Variants in PITPNC1 observed in about 807,000 individuals in gnomAD.
PITPNC1 encodes the protein phosphatidylinositol transfer protein cytoplasmic 1.
In PITPNC1, 18 loss-of-function variants were observed where a neutral mutation model predicts 44.7. That is an observed-to-expected ratio of 0.40 (90% CI 0.28 to 0.60). The LOEUF is 0.60. Among genes scored for constraint, PITPNC1 ranks in the 20% least tolerant of loss-of-function variants. The pLI is 0.39. For synonymous variants in PITPNC1, 141 were observed against 149.6 expected, an observed-to-expected ratio of 0.94 and a Z score of 0.42; for missense variants, 290 against 418.4, an observed-to-expected ratio of 0.69 and a Z score of 2.68.
At chr17:67,654,312 C>T (rs1026354830) in intron 6 of PITPNC1, among the ~76,000 whole-genome samples, 2 of 152,204 alleles carry the variant, frequency 1.3e-5, no homozygotes, top group African/African-American at 4.8e-5. Flanking sequence ...CCCAGGCTTT[C>T]ACTCACACAA....
chr17:67,604,883 C>T (rs764786806), intron 5 of PITPNC1, among the ~76,000 whole-genome samples: 4 of 152,058 alleles, frequency 2.6e-5, no homozygotes, highest in Non-Finnish European at 4.4e-5. Context: ...AGTTTGAGAC[C>T]AGCCTGGCCA....
chr17:67,469,392 C>T lies in PITPNC1; in HGVS notation c.49-63410C>T, dbSNP rs146197749. Among the ~76,000 whole-genome samples, 604 of 152,234 alleles carry T rather than the reference C, an allele frequency of 4.0e-3. 5 individuals are homozygous for T. The highest frequency in any genetic ancestry group is 0.01 in the Middle Eastern group (3 of 294). ...TCCAACCCTCAGCACCGTATCACTC[C>T]GTAGCTTATTAGAAATGCAGAATCT... On this transcript the variant is annotated intron_variant, in intron 1 of 8. Transcript: ENST00000581322.
At chr17:67,644,873 C>G (rs1487607761) in intron 6 of PITPNC1, among the ~76,000 whole-genome samples, 1 of 152,140 alleles carries the variant, frequency 6.6e-6, no homozygotes, top group Non-Finnish European at 1.5e-5. Context: ...CAAATCAGGT[C>G]AGCATCACCC....
rs770803677 is a variant in PITPNC1, at chr17:67,692,843, C to T, written c.954C>T (p.Pro318=). 17 of 1,613,312 alleles carry T rather than the reference C, an allele frequency of 1.1e-5. No homozygotes were observed. The East Asian group carries it at 1.8e-4, about 17-fold the overall frequency. ...AGAAAAAAGCCACCCTGAATTTACC[C>T]GGCATGCACTCTTCAGATAAGCCAT... ...DPEKKATLNL[P]GMHSSDKPCR... The change falls in exon 9 of 9, where the codon CCC becomes CCT. Residue 318 remains proline, a synonymous_variant. Coordinates refer to ENST00000581322, the MANE Select transcript of PITPNC1 (RefSeq NM_012417.4).
rs145437052 is a variant in PITPNC1 at position 67,555,494 on chromosome 17, C to T, written c.294+1877C>T. Among the ~76,000 whole-genome samples the T allele has an allele frequency of 9.4e-3, 1,428 of 152,148 alleles. 9 individuals are homozygous for T. Among genetic ancestry groups the T allele is most frequent in the Non-Finnish European group, 0.015 (1,030 of 67,986 alleles). ...TGATTCCCTACCACCAACACTACCCCCTAGTTCCATTGCTTCTGGCAACTG... is the reference window on the plus strand; with the variant it reads ...TGATTCCCTACCACCAACACTACCCTCTAGTTCCATTGCTTCTGGCAACTG... On this transcript the variant is annotated intron_variant, in intron 4 of 8. Coordinates refer to ENST00000581322, the MANE Select transcript of PITPNC1 (RefSeq NM_012417.4).
chr17:67,382,562 G>A (rs1406939433), intron 1 of PITPNC1, among the ~76,000 whole-genome samples: 1 of 152,094 alleles, frequency 6.6e-6, no homozygotes, highest in Non-Finnish European at 1.5e-5. Context: ...TAGAGAGAAA[G>A]TTGTCATTAT....
intron 1 of PITPNC1, among the ~76,000 whole-genome samples, chr17:67,403,746 G>C (rs2038357193): frequency 6.6e-6 from 1 of 152,188 alleles, no homozygotes; most frequent in Non-Finnish European, 1.5e-5. Context: ...GCTTGGACTG[G>C]CGTTATGTCT....
chr17:67,474,920 T>C (rs2039605145), intron 1 of PITPNC1, among the ~76,000 whole-genome samples: 1 of 151,994 alleles, frequency 6.6e-6, no homozygotes, highest in African/African-American at 2.4e-5. Context: ...TCCCAAAGTG[T>C]TGGGATTATA....
intron 1 of PITPNC1, among the ~76,000 whole-genome samples, chr17:67,489,206 C>A (rs2039826483): frequency 1.3e-5 from 2 of 150,952 alleles, no homozygotes; most frequent in South Asian, 4.2e-4. Flanking sequence ...GGAGTACTTA[C>A]TGGGCTGGAT....
chr17:67,568,732 T>A (rs887929988), intron 4 of PITPNC1, among the ~76,000 whole-genome samples: 1 of 152,006 alleles, frequency 6.6e-6, no homozygotes, highest in Non-Finnish European at 1.5e-5. Context: ...TATACCAGCT[T>A]ACTGAAAGCG....
chr17:67,696,967 G>T lies in PITPNC1; in HGVS notation c.*4079G>T, dbSNP rs2043020670. 1 of 152,176 alleles carries T rather than the reference G, an allele frequency of 6.6e-6. No homozygotes were observed. The highest frequency in any genetic ancestry group is 1.5e-5 in the Non-Finnish European group (1 of 68,026). The allele number at this position is 152,176 out of a possible 1,614,324, so 9.4% of individuals were successfully genotyped here. A position where few individuals can be genotyped will look rare whatever the true frequency, so the allele number is the denominator to read the frequency against. ...AGGAGAGGGTCTCTGAGTTGGTGTT[G>T]TACCTGTACCACTCACATGTAGCTC... On this transcript the variant is annotated 3_prime_UTR_variant, in exon 9 of 9. Transcript: ENST00000581322.
chr17:67,692,125 C>T (rs1428422111), intron 8 of PITPNC1, among the ~76,000 whole-genome samples: 1 of 152,026 alleles, frequency 6.6e-6, no homozygotes, highest in East Asian at 1.9e-4. Flanking sequence ...TAATATGTGT[C>T]ATTTCAGGGC....
chr17:67,621,855 C>T lies in PITPNC1; in HGVS notation c.367-10288C>T, dbSNP rs2041833874. Among the ~76,000 whole-genome samples, 4 of 152,248 alleles carry T rather than the reference C, an allele frequency of 2.6e-5. No individual in the cohort carries two copies. In the South Asian group the frequency reaches 8.3e-4, roughly 32 times the overall value. On this transcript the variant is annotated intron_variant, in intron 5 of 8. Transcript: ENST00000581322. ...TGAGGCCAGGTGCAGTGGCTCACAC[C>T]CGTAATCCTAACAACACTTTGGGAG...
At chr17:67,474,820 G>A (rs1013505961) in intron 1 of PITPNC1, among the ~76,000 whole-genome samples, 2 of 149,024 alleles carry the variant, frequency 1.3e-5, no homozygotes, top group African/African-American at 4.9e-5. Flanking sequence ...ATGCCCGGCG[G>A]CTTTTTTTTT....
At chr17:67,557,641 G>A (rs914666884) in intron 4 of PITPNC1, among the ~76,000 whole-genome samples, 6 of 152,140 alleles carry the variant, frequency 3.9e-5, no homozygotes, top group East Asian at 1.9e-4. Flanking sequence ...CACAGTGTGC[G>A]GTTTGAAGCT....
chr17:67,477,031 G>A (rs1025663834), intron 1 of PITPNC1, among the ~76,000 whole-genome samples: 1 of 152,162 alleles, frequency 6.6e-6, no homozygotes, highest in Non-Finnish European at 1.5e-5. Flanking sequence ...TCTGAGTGTT[G>A]CTTTTGAGAT....
intron 1 of PITPNC1, among the ~76,000 whole-genome samples, chr17:67,530,283 G>A (rs2040444582): frequency 6.6e-6 from 1 of 151,706 alleles, no homozygotes; most frequent in Admixed American, 6.6e-5. Context: ...AGTAGAGGTG[G>A]GGATTCACCG....
chr17:67,446,197 G>A (rs1005843018), intron 1 of PITPNC1, among the ~76,000 whole-genome samples: 5 of 151,550 alleles, frequency 3.3e-5, no homozygotes, highest in Admixed American at 2.6e-4. Context: ...CACCCGCCTC[G>A]GCCTCCCAAA....
At chr17:67,470,377 G>A (rs184835460) in intron 1 of PITPNC1, among the ~76,000 whole-genome samples, 9 of 152,230 alleles carry the variant, frequency 5.9e-5, no homozygotes, top group Admixed American at 5.9e-4. Context: ...GTGACTTTTA[G>A]CTGTCAATTA....
Sources: gnomAD v4.1 joint callset for allele counts (sites outside exome capture counted in the v4.1 genomes callset) on GRCh38, gnomAD v4.1.1 for gene constraint, MANE v1.5 for transcripts, NCBI Gene and HGNC (gene_info 2026-07-23, HGNC 2026-07-21) for gene names.